DACH2: variants seen among roughly 807,000 people sequenced by gnomAD.
The protein encoded by DACH2 is dachshund family transcription factor 2, also known as dachshund homolog 2.
In DACH2, 17 loss-of-function variants were observed where a neutral mutation model predicts 35.8. The ratio of observed to expected loss-of-function variants is 0.48; its 90% CI spans 0.33 to 0.71. DACH2 has a LOEUF of 0.71. DACH2 is among the 30% of genes least tolerant of loss of function. The pLI is 0.02. For synonymous variants in DACH2, 195 were observed against 177.3 expected, an observed-to-expected ratio of 1.10 and a Z score of -0.79; for missense variants, 469 against 472.7, an observed-to-expected ratio of 0.99 and a Z score of 0.07.
intron 2 of DACH2, among the ~76,000 whole-genome samples, chrX:86,414,674 T>G (rs1318211511): frequency 9.0e-6 from 1 of 111,627 alleles, no homozygotes; most frequent in Non-Finnish European, 1.9e-5. Context: ...AACCTAAGCC[T>G]TTGGATTCCT....
chrX:86,651,306 T>C (rs2040476144), intron 4 of DACH2, 139 bp downstream of exon 4: 2 of 561,229 alleles, frequency 3.6e-6, no homozygotes, highest in African/African-American at 2.4e-5. Context: ...ATTAGCTCTA[T>C]TGCTAACATT....
At chrX:86,667,618 C>A (rs1237974328) in intron 4 of DACH2, among the ~76,000 whole-genome samples, 40 of 102,769 alleles carry the variant, frequency 3.9e-4, no homozygotes, top group South Asian at 1.3e-3. Context: ...GAAAGAAAGG[C>A]AGGCAGGCCC....
intron 3 of DACH2, among the ~76,000 whole-genome samples, chrX:86,541,160 T>C (rs1222920823): frequency 1.8e-5 from 2 of 112,255 alleles, no homozygotes; most frequent in Non-Finnish European, 3.8e-5. Context: ...TGAAGACATA[T>C]CAGGTTCTCA....
chrX:86,491,124 G>T lies in DACH2; in HGVS notation c.528-23155G>T, dbSNP rs966506434. ...TAACATATGTTATGCACTCAGTAAA[G>T]AGAAATCCTGAGAATAGTTCTACAT... On this transcript the variant is annotated intron_variant, in intron 2 of 11. Transcript: ENST00000373125. 2.7e-5 allele frequency among the ~76,000 whole-genome samples: 3 copies of T among 111,783 alleles called. No homozygotes were observed. The Admixed American group carries it at 2.9e-4, about 11-fold the overall frequency.
chrX:86,301,654 AT>A (rs1569339117), intron 1 of DACH2, among the ~76,000 whole-genome samples: 1 of 112,013 alleles, frequency 8.9e-6, no homozygotes, highest in Non-Finnish European at 1.9e-5. Flanking sequence ...TTATTATCAC[AT>A]TATGACATTG....
At chrX:86,669,282 C>T (rs2040736399) in intron 4 of DACH2, among the ~76,000 whole-genome samples, 1 of 110,857 alleles carries the variant, frequency 9.0e-6, no homozygotes, top group African/African-American at 3.3e-5. Flanking sequence ...AGTATTGACA[C>T]ATTCTTGGTG....
At chrX:86,172,532 G>A (rs750214555) in intron 1 of DACH2, among the ~76,000 whole-genome samples, 1 of 112,015 alleles carries the variant, frequency 8.9e-6, no homozygotes, top group South Asian at 3.7e-4. Context: ...GGAAATGTAG[G>A]CAAGTAAAAT....
chrX:86,219,145 G>T (rs1293699163), intron 1 of DACH2, among the ~76,000 whole-genome samples: 4 of 111,793 alleles, frequency 3.6e-5, no homozygotes, highest in Admixed American at 1.9e-4. Context: ...TAGAATGTTA[G>T]GTCTGTATTT....
At chrX:86,831,925 G>C in intron 11 of DACH2, 181 bp from the exon 12 acceptor site, 1 of 397,740 alleles carries the variant, frequency 2.5e-6, no homozygotes, top group East Asian at 4.1e-5. Flanking sequence ...AAATTTGAAG[G>C]ATCTTTGAAA....
chrX:86,202,620 T>C (rs1228009373), intron 1 of DACH2, among the ~76,000 whole-genome samples: 1 of 105,088 alleles, frequency 9.5e-6, no homozygotes, highest in Non-Finnish European at 1.9e-5. Flanking sequence ...ACGCTTAAGT[T>C]TTTAGAAGCT....
intron 2 of DACH2, among the ~76,000 whole-genome samples, chrX:86,409,537 C>A (rs1051772080): frequency 9.0e-6 from 1 of 110,528 alleles, no homozygotes; most frequent in Non-Finnish European, 1.9e-5. Context: ...GTGTGTGGAA[C>A]CTTCCCCTTC....
At position 86,295,407 on chromosome X, in the gene DACH2, C is replaced by T. The variant is rs6617211; in HGVS notation, c.489-81417C>T. 1.9e-3 allele frequency among the ~76,000 whole-genome samples: 215 copies of T among 111,514 alleles called. 2 individuals are homozygous for T. The highest frequency in any genetic ancestry group is 0.014 in the Middle Eastern group (3 of 215). ...CGTCGCTCACGCTGGGAGCTGTAGA[C>T]CGCAGCTGTTCCTATTCGCTCTAAG... is the stretch of plus-strand genomic sequence containing the variant. On this transcript the variant is annotated intron_variant, in intron 1 of 11. Coordinates refer to ENST00000373125, the MANE Select transcript of DACH2 (RefSeq NM_053281.3).
rs374599179 is a variant in DACH2 at position 86,832,193 on chromosome X, T to C, written c.*38T>C. ...GGCTTTACATAAATGAAGATGCTTG[T>C]GATTCCAGTTTATCTCTGAAACTAT... On this transcript the variant is annotated 3_prime_UTR_variant, in exon 12 of 12. Coordinates refer to ENST00000373125, the MANE Select transcript of DACH2 (RefSeq NM_053281.3). 2 of 1,056,712 alleles carry C rather than the reference T, an allele frequency of 1.9e-6. No individual in the cohort carries two copies. The highest frequency in any genetic ancestry group is 2.5e-4 in the Middle Eastern group (1 of 3,977). 87.1% of individuals were successfully genotyped at this position (1,056,712 alleles called of 1,213,427 possible).
rs1461790670 is a variant in DACH2, at chrX:86,566,128, C to A, written c.640+51737C>A. Reference sequence around the variant, plus strand: ...CAATTTGCTTGCTATTAACTGAATTCTTTAATATAGATAAGTAATATGTAG... The same window carrying A: ...CAATTTGCTTGCTATTAACTGAATTATTTAATATAGATAAGTAATATGTAG... On this transcript the variant is annotated intron_variant, in intron 3 of 11. Coordinates refer to ENST00000373125, the MANE Select transcript of DACH2 (RefSeq NM_053281.3). Among the ~76,000 whole-genome samples, 4 of 111,608 alleles carry A rather than the reference C, an allele frequency of 3.6e-5. No homozygotes were observed. The East Asian group carries it at 8.5e-4, about 24-fold the overall frequency.
chrX:86,304,789 C>A (rs748382351), intron 1 of DACH2: 39 of 157,292 alleles, frequency 2.5e-4, no homozygotes, highest in African/African-American at 1.2e-3. Flanking sequence ...CCCAGGACCT[C>A]TGCCAGTACT....
At chrX:86,269,678 C>A (rs2033777524) in intron 1 of DACH2, among the ~76,000 whole-genome samples, 1 of 111,191 alleles carries the variant, frequency 9.0e-6, no homozygotes, top group Non-Finnish European at 1.9e-5. Context: ...CAACAATTGA[C>A]TAGGTACATT....
At chrX:86,423,298 C>T (rs1277533426) in intron 2 of DACH2, among the ~76,000 whole-genome samples, 1 of 110,887 alleles carries the variant, frequency 9.0e-6, no homozygotes, top group Non-Finnish European at 1.9e-5. Context: ...GTCTAGGAGG[C>T]TTTCCTTTAC....
At chrX:86,233,137 G>T (rs2032984984) in intron 1 of DACH2, among the ~76,000 whole-genome samples, 1 of 111,430 alleles carries the variant, frequency 9.0e-6, no homozygotes, top group African/African-American at 3.3e-5. Context: ...GGAGCTAAAT[G>T]ATGAGAACAT....
intron 7 of DACH2, among the ~76,000 whole-genome samples, chrX:86,809,996 T>C (rs1478115527): frequency 9.0e-6 from 1 of 111,449 alleles, no homozygotes; most frequent in African/African-American, 3.3e-5. Flanking sequence ...TCTGATGAAA[T>C]ATGATTCTTT....
Sources: gnomAD v4.1 joint callset for allele counts (sites outside exome capture counted in the v4.1 genomes callset) on GRCh38, gnomAD v4.1.1 for gene constraint, MANE v1.5 for transcripts, NCBI Gene and HGNC (gene_info 2026-07-23, HGNC 2026-07-21) for gene names.